Variants in DET1 observed in about 807,000 individuals in gnomAD.
DET1 encodes DET1 partner of COP1 E3 ubiquitin ligase.
A neutral mutation model predicts 43.7 loss-of-function variants in DET1; 22 were observed. That is an observed-to-expected ratio of 0.50 (90% CI 0.36 to 0.72). The LOEUF is 0.72. DET1 is among the 30% of genes least tolerant of loss of function. The probability of loss-of-function intolerance (pLI) is 0.00; values close to 1 mark genes in which losing one functional copy is unlikely to be tolerated. For missense variants in DET1, 713 were observed against 713.3 expected (o/e 1.00, Z 0.00); for synonymous variants, 315 against 266.2 (o/e 1.18, Z -1.79).
chr15:88,542,418 G>A (rs1182284970), intron 1 of DET1, among the ~76,000 whole-genome samples: 4 of 152,106 alleles, frequency 2.6e-5, no homozygotes, highest in East Asian at 1.9e-4. Flanking sequence ...TTGTCCAGGG[G>A]CCTGATGAGT....
intron 1 of DET1, among the ~76,000 whole-genome samples, chr15:88,539,985 T>C (rs2057061202): frequency 6.6e-6 from 1 of 152,074 alleles, no homozygotes; most frequent in African/African-American, 2.4e-5. Context: ...TTACTTCGTT[T>C]AGACTCCTAC....
rs982713214 is a variant in DET1, at chr15:88,546,532, G to A, written c.-11+8C>T. 6.6e-6 allele frequency: 1 copy of A among 152,432 alleles called. No individual in the cohort carries two copies. Among genetic ancestry groups the A allele is most frequent in the Non-Finnish European group, 1.5e-5 (1 of 68,198 alleles). The allele number at this position is 152,432 out of a possible 1,614,324, so 9.4% of individuals were successfully genotyped here. A position where few individuals can be genotyped will look rare whatever the true frequency, so the allele number is the denominator to read the frequency against. ...TTGGAGGCTGGGCCAAAAATGGTAAGTCCTCACCTGTCTGGTCCGGGCTCA... is the reference window on the plus strand; with the variant it reads ...TTGGAGGCTGGGCCAAAAATGGTAAATCCTCACCTGTCTGGTCCGGGCTCA... On this transcript the variant is annotated splice_region_variant and intron_variant, in intron 1 of 4. Transcript: ENST00000268148.
At position 88,527,520 on chromosome 15, in the gene DET1, G is replaced by C. The variant is rs964585580; in HGVS notation, c.1271+79C>G. On this transcript the variant is annotated intron_variant, in intron 3 of 4. Transcript: ENST00000268148. Reference sequence around the variant, plus strand: ...GCTATGTGGACAGACAGAATAAGAGGTTTCCTAGAGACAACAGCTATTGGC... The same window carrying C: ...GCTATGTGGACAGACAGAATAAGAGCTTTCCTAGAGACAACAGCTATTGGC... The C allele has an allele frequency of 3.0e-6, 4 of 1,340,076 alleles. No homozygotes were observed. In the African/African-American group the frequency reaches 5.9e-5, roughly 20 times the overall value. The allele number at this position is 1,340,076 out of a possible 1,614,324, so 83.0% of individuals were successfully genotyped here.
At chr15:88,511,416 G>A (rs936623875), downstream of DET1, 3 of 985,382 alleles carry the variant, frequency 3.0e-6, no homozygotes, top group Middle Eastern at 5.2e-4. Flanking sequence ...TGCTGCAGCT[G>A]TATTTGCTTA....
In DET1 at chr15:88,530,616, C is replaced by G. The variant is rs961272607; in HGVS notation, c.1083+7G>C. 9.4e-6 allele frequency: 15 copies of G among 1,592,784 alleles called. No homozygotes were observed. The highest frequency in any genetic ancestry group is 1.7e-4 in the Middle Eastern group (1 of 5,956). Reference sequence around the variant, plus strand: ...AGACAAGTAAAAGGCAGGAGTGTACCTCATACCTGTGATGGATCTGTGACT... The same window carrying G: ...AGACAAGTAAAAGGCAGGAGTGTACGTCATACCTGTGATGGATCTGTGACT... On this transcript the variant is annotated splice_region_variant and intron_variant, in intron 2 of 4. Coordinates refer to ENST00000268148, the MANE Select transcript of DET1 (RefSeq NM_001144074.3).
rs1804389476 is a variant in DET1, at chr15:88,543,616, G to A, written c.-11+2924C>T. ...GCGAGTATGAAAGGCCGGTGCAGCT[G>A]TTACCACGGAGACAGATGTGTTGTG... On this transcript the variant is annotated intron_variant, in intron 1 of 4. Transcript: ENST00000268148. Among the ~76,000 whole-genome samples the A allele has an allele frequency of 2.6e-5, 4 of 152,228 alleles. No homozygotes were observed. In the South Asian group the frequency reaches 8.3e-4, roughly 31 times the overall value.
At chr15:88,519,161 A>G (rs148053635) in intron 3 of DET1, among the ~76,000 whole-genome samples, 3,029 of 152,210 alleles carry the variant, frequency 0.02, 38 homozygotes, top group Middle Eastern at 0.054. Context: ...AGCATCTGTG[A>G]TAATCTACAA....
At chr15:88,519,083 C>G (rs558819122) in intron 3 of DET1, among the ~76,000 whole-genome samples, 2 of 152,276 alleles carry the variant, frequency 1.3e-5, no homozygotes, top group South Asian at 2.1e-4. Context: ...CCTGACTCAC[C>G]GACTCCCTGG....
intron 3 of DET1, among the ~76,000 whole-genome samples, chr15:88,527,054 A>C (rs901530055): frequency 6.6e-6 from 1 of 152,342 alleles, no homozygotes; most frequent in South Asian, 2.1e-4. Context: ...ATGCTAAGTC[A>C]GTTCTCATTC....
chr15:88,525,633 T>A (rs574593755), intron 3 of DET1, among the ~76,000 whole-genome samples: 1 of 152,038 alleles, frequency 6.6e-6, no homozygotes, highest in Non-Finnish European at 1.5e-5. Flanking sequence ...TTCTTTGATG[T>A]TTTGAGTGAG....
intron 1 of DET1, among the ~76,000 whole-genome samples, chr15:88,537,705 T>A (rs188252451): frequency 9.2e-5 from 14 of 152,312 alleles, no homozygotes; most frequent in African/African-American, 2.9e-4. Flanking sequence ...GTTTGACACA[T>A]GGTAAGCCTC....
At chr15:88,529,865 A>G (rs563447725) in intron 2 of DET1, among the ~76,000 whole-genome samples, 2 of 152,354 alleles carry the variant, frequency 1.3e-5, no homozygotes, top group East Asian at 3.9e-4. Context: ...TAGTTTTTCA[A>G]TCCCCAAATC....
intron 3 of DET1, among the ~76,000 whole-genome samples, chr15:88,517,222 G>T (rs2056368568): frequency 7.0e-6 from 1 of 142,118 alleles, no homozygotes. Flanking sequence ...TTTGGGTTTT[G>T]GGTTTTTTTT....
intron 7 of DET1, chr15:88,505,894 TG>T (rs1489020724): frequency 6.6e-6 from 1 of 152,114 alleles, no homozygotes; most frequent in Non-Finnish European, 1.5e-5. Flanking sequence ...AGGTTAGAGG[TG>T]TTCTGGTCTC....
In DET1 at chr15:88,516,106, G is replaced by T. The variant is rs912153659; in HGVS notation, c.1463+676C>A. 6.6e-6 allele frequency among the ~76,000 whole-genome samples: 1 copy of T among 152,054 alleles called. No homozygotes were observed. The highest frequency in any genetic ancestry group is 1.5e-5 in the Non-Finnish European group (1 of 68,002). ...ACTACCACTGTTTCTGTGTGAAAAA[G>T]ACCTTCCAAGCTCCAGCCTATAGCC... On this transcript the variant is annotated intron_variant, in intron 4 of 4. Transcript: ENST00000268148. The surrounding 1 kb of genome is among the most constrained non-coding windows in gnomAD (Gnocchi z 4.4).
intron 1 of DET1, among the ~76,000 whole-genome samples, chr15:88,533,309 G>T (rs2056864487): frequency 6.6e-6 from 1 of 152,148 alleles, no homozygotes. Flanking sequence ...GGACATAGAG[G>T]AAGTTGAACC....
chr15:88,505,402 T>G (rs530577350), intron 7 of DET1: 1 of 152,248 alleles, frequency 6.6e-6, no homozygotes, highest in Non-Finnish European at 1.5e-5. Context: ...TAAAAAATCA[T>G]GTTCATTCCT....
At chr15:88,522,419 A>ATCTATTT (rs1201376655) in intron 3 of DET1, among the ~76,000 whole-genome samples, 1 of 148,360 alleles carries the variant, frequency 6.7e-6, no homozygotes, top group Non-Finnish European at 1.5e-5. Context: ...CCCTTCTCTT[A>ATCTATTT]TCTATTTACT....
chr15:88,545,382 C>T (rs2057223670), intron 1 of DET1, among the ~76,000 whole-genome samples: 1 of 152,166 alleles, frequency 6.6e-6, no homozygotes, highest in African/African-American at 2.4e-5. Flanking sequence ...AACCCCCTGA[C>T]AAAGTTGATT....
Sources: allele counts gnomAD v4.1 joint callset (sites outside exome capture counted in the v4.1 genomes callset), GRCh38; gene constraint gnomAD v4.1.1; non-coding constraint Gnocchi (gnomAD v3.1); transcripts MANE v1.5; gene names NCBI Gene and HGNC (gene_info 2026-07-23, HGNC 2026-07-21).